Variants in CCDC157 observed in about 807,000 individuals in gnomAD.
The protein encoded by CCDC157 is coiled-coil domain containing 157, also known as coiled-coil domain-containing protein 157.
A neutral mutation model predicts 70.9 loss-of-function variants in CCDC157; 60 were observed. The ratio of observed to expected loss-of-function variants is 0.85; its 90% CI spans 0.69 to 1.05. The LOEUF is 1.05. Among genes scored for constraint, CCDC157 ranks in the 50% least tolerant of loss-of-function variants. The pLI, the probability that CCDC157 is intolerant of heterozygous loss-of-function variation, is 0.00. For missense variants in CCDC157, 943 were observed against 984.2 expected (o/e 0.96, Z 0.56); for synonymous variants, 373 against 422.4 (o/e 0.88, Z 1.43).
At chr22:30,368,577 G>A (rs531604320) in intron 3 of CCDC157, among the ~76,000 whole-genome samples, 4 of 152,318 alleles carry the variant, frequency 2.6e-5, no homozygotes, top group South Asian at 2.1e-4. Context: ...CCCGTTCCCC[G>A]ATGTTGCTTG....
chr22:30,370,025 C>T (rs1932864795), intron 4 of CCDC157: 10 of 515,968 alleles, frequency 1.9e-5, no homozygotes, highest in Non-Finnish European at 3.5e-5. Context: ...GTCCAGTAAG[C>T]AAGAGCCCAG....
At chr22:30,357,353 C>G (rs2145837968) in intron 1 of CCDC157, among the ~76,000 whole-genome samples, 2 of 152,320 alleles carry the variant, frequency 1.3e-5, no homozygotes, top group African/African-American at 4.8e-5. Flanking sequence ...GACCCACATC[C>G]TCCAAGCCCC....
At chr22:30,371,574 C>T (rs780815370) in intron 5 of CCDC157, 76 bp from the exon 6 acceptor site, 68 of 1,231,132 alleles carry the variant, frequency 5.5e-5, no homozygotes, top group Non-Finnish European at 8.2e-5. Context: ...CTCCACTCCA[C>T]GGGGCACACT....
chr22:30,375,250 C>A, intron 9 of CCDC157: 1 of 485,296 alleles, frequency 2.1e-6, no homozygotes. Flanking sequence ...AGCCACCGCG[C>A]CCGGCCTTGC....
At chr22:30,360,199 T>C (rs1797343389) in intron 1 of CCDC157, among the ~76,000 whole-genome samples, 1 of 151,948 alleles carries the variant, frequency 6.6e-6, no homozygotes, top group African/African-American at 2.4e-5. Flanking sequence ...GAGAAAAGCA[T>C]ACAAATTTAA....
intron 9 of CCDC157, chr22:30,374,874 A>G (rs1040550231): frequency 2.6e-6 from 1 of 389,102 alleles, no homozygotes; most frequent in Non-Finnish European, 5.1e-6. Flanking sequence ...GACCTTGGAC[A>G]GCTCACTTTG....
At chr22:30,374,637 G>C (rs5753105) in intron 9 of CCDC157, 91,538 of 456,830 alleles carry the variant, frequency 0.2, 10,080 homozygotes, top group Middle Eastern at 0.27. Flanking sequence ...GCAGGAAGAT[G>C]TGCAGTTAGC....
chr22:30,366,395 G>A, intron 3 of CCDC157, 147 bp downstream of exon 3: 1 of 909,676 alleles, frequency 1.1e-6, no homozygotes, highest in Admixed American at 2.3e-5. Flanking sequence ...ATCAGCTCAG[G>A]ACTTTCAAAG....
At chr22:30,375,096 C>G in intron 9 of CCDC157, 1 of 297,418 alleles carries the variant, frequency 3.4e-6, no homozygotes, top group Non-Finnish European at 6.5e-6. Flanking sequence ...GTAGCTGGGA[C>G]TACGGGGGCC....
Position 30,369,428 on chromosome 22 carries a change from G to T in CCDC157, c.249-4G>T. The T allele has an allele frequency of 1.3e-6, 2 of 1,503,606 alleles. No individual in the cohort carries two copies. Among genetic ancestry groups the T allele is most frequent in the Non-Finnish European group, 8.9e-7 (1 of 1,119,332 alleles). 93.1% of individuals were successfully genotyped at this position (1,503,606 alleles called of 1,614,324 possible). A position where few individuals can be genotyped will look rare whatever the true frequency, so the allele number is the denominator to read the frequency against. ...CCCCAGCAACCTAGCATCTCTGCCC[G>T]CAGGCTCCTGCTGCTGCTTCAAAGC... On this transcript the variant is annotated splice_region_variant and splice_polypyrimidine_tract_variant and intron_variant, in intron 3 of 11. Coordinates refer to ENST00000338306, the MANE Select transcript of CCDC157 (RefSeq NM_001017437.5).
At chr22:30,360,411 A>G (rs1452346774) in intron 1 of CCDC157, among the ~76,000 whole-genome samples, 1 of 151,948 alleles carries the variant, frequency 6.6e-6, no homozygotes, top group Non-Finnish European at 1.5e-5. Flanking sequence ...AGGCTGAGGC[A>G]GGAGAATGGC....
In CCDC157 at chr22:30,378,109, C is replaced by A. The variant is rs987161033; in HGVS notation, c.*1364C>A. On this transcript the variant is annotated 3_prime_UTR_variant, in exon 12 of 12. Transcript: ENST00000338306. The stretch of plus-strand genomic sequence containing the variant: ...CAGGTCCTCTCACGGCTCCTAGAGG[C>A]CGTCCACCTTCCTTGCCATGGGGCT... 2.1e-6 allele frequency: 1 copy of A among 470,976 alleles called. No individual in the cohort carries two copies. Among genetic ancestry groups the A allele is most frequent in the Admixed American group, 2.3e-5 (1 of 42,572 alleles). 29.2% of individuals were successfully genotyped at this position (470,976 alleles called of 1,614,324 possible).
At chr22:30,359,378 G>A (rs1932170487) in intron 1 of CCDC157, among the ~76,000 whole-genome samples, 1 of 152,204 alleles carries the variant, frequency 6.6e-6, no homozygotes. Flanking sequence ...TATCCCTTGG[G>A]TGATATCCCA....
chr22:30,360,989 G>A (rs1412219118), intron 1 of CCDC157, among the ~76,000 whole-genome samples: 4 of 152,174 alleles, frequency 2.6e-5, no homozygotes, highest in Admixed American at 6.5e-5. Flanking sequence ...GGAGGTTGTA[G>A]TGAGCCAAGA....
In CCDC157 at chr22:30,374,106, A is replaced by G. The variant is rs1366178473; in HGVS notation, c.1672+15A>G. The G allele has an allele frequency of 6.3e-7, 1 of 1,580,304 alleles. No individual in the cohort carries two copies. The highest frequency in any genetic ancestry group is 8.6e-7 in the Non-Finnish European group (1 of 1,165,354). On this transcript the variant is annotated intron_variant, in intron 9 of 11. Transcript: ENST00000338306. ...CCAGATCCATGGTAGGGGACTGGGG[A>G]TGGTGCCAAGGGCATGCTGGGGCTC...
chr22:30,360,505 A>AG (rs569198183), intron 1 of CCDC157, among the ~76,000 whole-genome samples: 2 of 93,202 alleles, frequency 2.1e-5, no homozygotes, highest in African/African-American at 6.9e-5. Context: ...ACTCCGTCTC[A>AG]AAAAAAAAAA....
At chr22:30,361,705 T>G (rs1263015524) in intron 1 of CCDC157, among the ~76,000 whole-genome samples, 3 of 152,188 alleles carry the variant, frequency 2.0e-5, no homozygotes, top group Non-Finnish European at 4.4e-5. Flanking sequence ...CCCTAACTTT[T>G]CAGAGCCTCA....
At chr22:30,364,551 G>A (rs1932588210) in intron 2 of CCDC157, among the ~76,000 whole-genome samples, 1 of 152,190 alleles carries the variant, frequency 6.6e-6, no homozygotes, top group South Asian at 2.1e-4. Flanking sequence ...GCTCACGCCT[G>A]TAATCCCAGC....
chr22:30,367,806 G>A (rs1932784475), intron 3 of CCDC157, among the ~76,000 whole-genome samples: 1 of 152,138 alleles, frequency 6.6e-6, no homozygotes, highest in South Asian at 2.1e-4. Context: ...CAGCACTTTG[G>A]GAGGCCGAGG....
Sources: allele counts gnomAD v4.1 joint callset (sites outside exome capture counted in the v4.1 genomes callset), GRCh38; gene constraint gnomAD v4.1.1; transcripts MANE v1.5; gene names NCBI Gene and HGNC (gene_info 2026-07-23, HGNC 2026-07-21).